Variants in TANGO6 observed in about 807,000 individuals in gnomAD.
TANGO6 encodes transport and golgi organization 6 homolog, also known as transport and Golgi organization protein 6 homolog.
A neutral mutation model predicts 114.2 loss-of-function variants in TANGO6; 90 were observed. The ratio of observed to expected loss-of-function variants is 0.79; its 90% CI spans 0.66 to 0.94. The LOEUF is 0.94. Among genes scored for constraint, TANGO6 ranks in the 40% least tolerant of loss-of-function variants. The pLI is 0.00. For missense variants in TANGO6, 1,274 were observed against 1,315.3 expected (o/e 0.97, Z 0.49); for synonymous variants, 477 against 509.8 (o/e 0.94, Z 0.87).
rs763831472 is a variant in TANGO6 at position 68,902,413 on chromosome 16, T to C, written c.1576T>C (p.Leu526=). 2 of 1,613,904 alleles carry C rather than the reference T, an allele frequency of 1.2e-6. No homozygotes were observed. The highest frequency in any genetic ancestry group is 1.7e-6 in the Non-Finnish European group (2 of 1,179,856). The change falls in exon 9 of 18, where the codon TTG becomes CTG. Residue 526 remains leucine (L), a synonymous_variant. Coordinates refer to ENST00000261778, the MANE Select transcript of TANGO6 (RefSeq NM_024562.2). The part of the protein sequence containing the change: ...AIASLKGFAG[L]DKAVPSLHSL... ...TGCCAGCCTGAAAGGATTTGCAGGGTTGGACAAAGCTGTGCCCTCTCTCCA... is the reference window on the plus strand; with the variant it reads ...TGCCAGCCTGAAAGGATTTGCAGGGCTGGACAAAGCTGTGCCCTCTCTCCA...
intron 17 of TANGO6, among the ~76,000 whole-genome samples, chr16:69,051,705 T>G (rs1185441826): frequency 2.0e-5 from 3 of 149,600 alleles, no homozygotes; most frequent in Non-Finnish European, 4.5e-5. Context: ...AATACAAAAA[T>G]TAGCCAGGCA....
intron 7 of TANGO6, chr16:68,885,731 T>C (rs1445471872): frequency 6.6e-6 from 1 of 152,286 alleles, no homozygotes; most frequent in African/African-American, 2.4e-5. Flanking sequence ...GTCCTTCTTA[T>C]TGCCAAAAAG....
chr16:68,961,798 A>G (rs1963594419), intron 14 of TANGO6, among the ~76,000 whole-genome samples: 1 of 152,228 alleles, frequency 6.6e-6, no homozygotes, highest in African/African-American at 2.4e-5. Flanking sequence ...GATAGTTAAG[A>G]GAAGTGGTCA....
intron 11 of TANGO6, among the ~76,000 whole-genome samples, chr16:68,910,753 T>G (rs1177620011): frequency 6.6e-6 from 1 of 152,344 alleles, no homozygotes; most frequent in East Asian, 1.9e-4. Flanking sequence ...CTCGGCTCAC[T>G]GCAACCTCCA....
At position 68,949,889 on chromosome 16, in the gene TANGO6, A is replaced by G. The variant is rs182934650; in HGVS notation, c.2701+19594A>G. Among the ~76,000 whole-genome samples the G allele has an allele frequency of 4.6e-3, 706 of 152,286 alleles. 4 individuals carry two copies. The highest frequency in any genetic ancestry group is 0.017 in the South Asian group (82 of 4,832). ...GCTGAAAAATTGAAACAACATACAT[A>G]TTAATATCTACCGCCTGATGAATGG... On this transcript the variant is annotated intron_variant, in intron 14 of 17. Coordinates refer to ENST00000261778, the MANE Select transcript of TANGO6 (RefSeq NM_024562.2).
chr16:68,997,989 T>C (rs1964007673), intron 15 of TANGO6, among the ~76,000 whole-genome samples: 1 of 152,216 alleles, frequency 6.6e-6, no homozygotes, highest in South Asian at 2.1e-4. Flanking sequence ...CATTCATAAC[T>C]GAGTCTCAAC....
chr16:69,078,217 G>A (rs1341143646), intron 17 of TANGO6, among the ~76,000 whole-genome samples: 1 of 152,202 alleles, frequency 6.6e-6, no homozygotes, highest in Admixed American at 6.5e-5. Context: ...GAGCACAGGC[G>A]GCCAGAGGGA....
intron 17 of TANGO6, among the ~76,000 whole-genome samples, chr16:69,047,777 T>C (rs965734658): frequency 6.6e-6 from 1 of 152,150 alleles, no homozygotes; most frequent in African/African-American, 2.4e-5. Flanking sequence ...TTTGAGAACT[T>C]TGCACATGGA....
At chr16:68,954,515 GA>G (rs139886333) in intron 14 of TANGO6, among the ~76,000 whole-genome samples, 12,043 of 151,318 alleles carry the variant, frequency 0.08, 541 homozygotes, top group African/African-American at 0.1. Context: ...CTGCTCAAAA[GA>G]AAAAAAAAGT....
At chr16:69,020,348 C>G (rs1959379754) in intron 15 of TANGO6, among the ~76,000 whole-genome samples, 1 of 152,162 alleles carries the variant, frequency 6.6e-6, no homozygotes, top group South Asian at 2.1e-4. Context: ...CTGATGGGAT[C>G]AGAGATGAAG....
chr16:68,878,191 T>C lies in TANGO6; in HGVS notation c.1205T>C (p.Ile402Thr), dbSNP rs754079528. The C allele has an allele frequency of 3.6e-5, 58 of 1,613,484 alleles. No individual in the cohort carries two copies. Among genetic ancestry groups the C allele is most frequent in the Non-Finnish European group, 4.6e-5 (54 of 1,179,776 alleles). The change falls in exon 6 of 18, where the codon ATA becomes ACA. Residue 402 changes from isoleucine to threonine, a missense_variant. Physicochemically the swap from Ile to Thr is moderately conservative, Grantham distance 89. Transcript: ENST00000261778. ...QFQRVATTTF[I>T]TLSRERPHLA... ...CAGAGAGTTGCCACCACTACCTTTA[T>C]AACTTTGTCAAGAGAACGCCCACAT...
intron 7 of TANGO6, among the ~76,000 whole-genome samples, chr16:68,883,753 G>A (rs951539495): frequency 1.5e-4 from 23 of 152,118 alleles, no homozygotes; most frequent in Admixed American, 5.2e-4. Flanking sequence ...CAAAGTGACC[G>A]CACCATTTTA....
rs921275729 is a variant in TANGO6, at chr16:69,045,874, G to A, written c.3108+5453G>A. 2.0e-5 allele frequency among the ~76,000 whole-genome samples: 3 copies of A among 151,134 alleles called. No homozygotes were observed. The East Asian group carries it at 5.8e-4, about 29-fold the overall frequency. On this transcript the variant is annotated intron_variant, in intron 17 of 17. Coordinates refer to ENST00000261778, the MANE Select transcript of TANGO6 (RefSeq NM_024562.2). Reference sequence around the variant, plus strand: ...AGGTCAGGAATTCAAGACCAGCCTGGCCAACATAGTGAAACCCCATCTCTA... The same window carrying A: ...AGGTCAGGAATTCAAGACCAGCCTGACCAACATAGTGAAACCCCATCTCTA...
At chr16:68,985,849 A>G (rs1205652102) in intron 15 of TANGO6, among the ~76,000 whole-genome samples, 1 of 152,210 alleles carries the variant, frequency 6.6e-6, no homozygotes, top group East Asian at 1.9e-4. Context: ...TTCAGACTAA[A>G]TGTTTTTCGG....
chr16:69,031,989 A>G (rs1461152010), intron 16 of TANGO6, among the ~76,000 whole-genome samples: 3 of 151,940 alleles, frequency 2.0e-5, no homozygotes, highest in Admixed American at 1.3e-4. Context: ...GCAAAGATAT[A>G]AGGAAGCAAG....
intron 11 of TANGO6, among the ~76,000 whole-genome samples, chr16:68,914,563 G>A (rs1346461205): frequency 6.6e-6 from 1 of 152,154 alleles, no homozygotes; most frequent in Non-Finnish European, 1.5e-5. Flanking sequence ...GTCGGGCACT[G>A]CTATTTTTCA....
intron 2 of TANGO6, 144 bp from the exon 3 acceptor site, chr16:68,862,800 TC>T (rs1962117415): frequency 1.5e-6 from 1 of 676,356 alleles, no homozygotes. Context: ...TAGTACAGCT[TC>T]CCCCATGTGG....
intron 11 of TANGO6, among the ~76,000 whole-genome samples, chr16:68,912,842 G>T (rs892391734): frequency 6.6e-6 from 1 of 150,496 alleles, no homozygotes; most frequent in Non-Finnish European, 1.5e-5. Context: ...TTGGGAGGCC[G>T]AGGTGAGCGG....
Position 68,880,608 on chromosome 16 carries a change from G to A in TANGO6, c.1355G>A (p.Arg452Lys), listed in dbSNP as rs376794336. The A allele has an allele frequency of 1.2e-5, 20 of 1,612,196 alleles. No individual in the cohort carries two copies. Among genetic ancestry groups the A allele is most frequent in the Non-Finnish European group, 1.6e-5 (19 of 1,179,066 alleles). The change falls in exon 7 of 18, where the codon AGA becomes AAA. Residue 452 changes from arginine to lysine, a missense_variant. Physicochemically the swap from Arg to Lys is conservative, Grantham distance 26. Transcript: ENST00000261778. ...TILVTEEELS[R>K]CIEDVFKVYV... is the part of the protein sequence containing the mutation. Reference sequence around the variant, plus strand: ...TTGGTGACAGAAGAAGAACTTAGTAGATGCATTGAGGATGTGTTTAAGGTT... The same window carrying A: ...TTGGTGACAGAAGAAGAACTTAGTAAATGCATTGAGGATGTGTTTAAGGTT...
Sources: gnomAD v4.1 joint callset for allele counts (sites outside exome capture counted in the v4.1 genomes callset) on GRCh38, gnomAD v4.1.1 for gene constraint, MANE v1.5 for transcripts, NCBI Gene and HGNC (gene_info 2026-07-23, HGNC 2026-07-21) for gene names.